PPP2CA: variants seen among roughly 807,000 people sequenced by gnomAD.
PPP2CA encodes the protein serine/threonine-protein phosphatase 2A catalytic subunit alpha isoform.
Under a neutral mutation model 38.8 loss-of-function variants are expected in PPP2CA, and 5 were observed. The observed-to-expected ratio is 0.13, with a 90% confidence interval of 0.07 to 0.27. The LOEUF (loss-of-function observed/expected upper bound fraction) is 0.27. PPP2CA is among the 10% of genes least tolerant of loss of function. The pLI is 1.00. For missense variants in PPP2CA, 88 were observed against 389.7 expected, an observed-to-expected ratio of 0.23 and a Z score of 6.52; for synonymous variants, 152 against 134.0, an observed-to-expected ratio of 1.13 and a Z score of -0.93.
At position 134,197,024 on chromosome 5, in the gene PPP2CA, ATTGAT is replaced by A. The variant is rs1352860230; in HGVS notation, c.*743_*747del. The A allele has an allele frequency of 5.2e-5, 8 of 152,760 alleles. No individual in the cohort carries two copies. The highest frequency in any genetic ancestry group is 1.3e-4 in the Admixed American group (2 of 15,302). 9.5% of individuals were successfully genotyped at this position (152,760 alleles called of 1,614,324 possible). ...GTCTACAAATTCTAAAATTTACTCA[ATTGAT>A]TTAACTTTTTTAATAAACAGCACCA... On this transcript the variant is annotated 3_prime_UTR_variant, in exon 7 of 7. Coordinates refer to ENST00000481195, the MANE Select transcript of PPP2CA (RefSeq NM_002715.4).
chr5:134,221,526 G>A (rs984048084), intron 1 of PPP2CA, among the ~76,000 whole-genome samples: 2 of 152,152 alleles, frequency 1.3e-5, no homozygotes, highest in African/African-American at 2.4e-5. Flanking sequence ...GAATACAAGG[G>A]AAATTATCTA....
At chr5:134,206,326 A>G (rs953930261) in intron 1 of PPP2CA, among the ~76,000 whole-genome samples, 195 bp from the exon 2 acceptor site, 2 of 152,188 alleles carry the variant, frequency 1.3e-5, no homozygotes, top group Non-Finnish European at 2.9e-5. Flanking sequence ...CCTAGGGAAA[A>G]AATATGCATT....
intron 6 of PPP2CA, among the ~76,000 whole-genome samples, chr5:134,198,083 C>CAAACA (rs143894324): frequency 0.015 from 2,304 of 152,180 alleles, 57 homozygotes; most frequent in African/African-American, 0.053. Context: ...ACTGAAATTT[C>CAAACA]AAACAAAACA....
At chr5:134,223,106 A>C (rs1283312721) in intron 1 of PPP2CA, among the ~76,000 whole-genome samples, 3 of 152,238 alleles carry the variant, frequency 2.0e-5, no homozygotes, top group Non-Finnish European at 2.9e-5. Context: ...GGGTAGAAGG[A>C]AGGCTTTTAC....
intron 6 of PPP2CA, among the ~76,000 whole-genome samples, chr5:134,198,848 C>T (rs1368947221): frequency 1.3e-5 from 2 of 152,178 alleles, no homozygotes; most frequent in Admixed American, 1.3e-4. Context: ...AGGCATGAGC[C>T]ACCGCGCCTG....
intron 1 of PPP2CA, among the ~76,000 whole-genome samples, chr5:134,210,620 G>T (rs1561739335): frequency 6.6e-6 from 1 of 152,154 alleles, no homozygotes; most frequent in Admixed American, 6.5e-5. Flanking sequence ...AAGGCAGGTG[G>T]ATCATTTGAG....
chr5:134,206,346 A>T (rs985202445), intron 1 of PPP2CA, among the ~76,000 whole-genome samples: 27 of 152,328 alleles, frequency 1.8e-4, no homozygotes, highest in African/African-American at 6.3e-4. Context: ...TCCTATCATC[A>T]ATACCAGGAG....
At chr5:134,225,538 G>A (rs1486081071) in intron 1 of PPP2CA, 10 of 486,570 alleles carry the variant, frequency 2.1e-5, no homozygotes, top group South Asian at 2.6e-5. Context: ...CAGGAGTCGA[G>A]TGAACGGCGC....
chr5:134,205,601 T>G (rs1762066442), intron 2 of PPP2CA: 3 of 258,074 alleles, frequency 1.2e-5, no homozygotes, highest in African/African-American at 6.7e-5. Context: ...CAGGCTGGTC[T>G]CGAACTCCTG....
At chr5:134,198,752 G>A (rs991056167) in intron 6 of PPP2CA, among the ~76,000 whole-genome samples, 2 of 152,146 alleles carry the variant, frequency 1.3e-5, no homozygotes, top group African/African-American at 4.8e-5. Context: ...TTTTAGTAGA[G>A]AAGGGGTTTC....
rs781010881 is a variant in PPP2CA at position 134,225,749 on chromosome 5, C to T, written c.102+11G>A. 1.9e-6 allele frequency: 3 copies of T among 1,603,142 alleles called. No homozygotes were observed. The African/African-American group carries it at 4.1e-5, about 22-fold the overall frequency. On this transcript the variant is annotated intron_variant, in intron 1 of 6. Coordinates refer to ENST00000481195, the MANE Select transcript of PPP2CA (RefSeq NM_002715.4). ...CCCGCGGCGGCTGTCCGCAGCCGTACTACAGCTCACCTTCTCGCAGAGGCT... is the reference window on the plus strand; with the variant it reads ...CCCGCGGCGGCTGTCCGCAGCCGTATTACAGCTCACCTTCTCGCAGAGGCT...
chr5:134,206,638 G>A (rs376280803), intron 1 of PPP2CA, among the ~76,000 whole-genome samples: 6 of 152,230 alleles, frequency 3.9e-5, no homozygotes, highest in African/African-American at 1.4e-4. Context: ...ACAGGCACAC[G>A]CCACCATGGC....
At chr5:134,224,478 T>C (rs1184835744) in intron 1 of PPP2CA, 1 of 352,216 alleles carries the variant, frequency 2.8e-6, no homozygotes, top group African/African-American at 2.1e-5. Flanking sequence ...ATGAACCTAA[T>C]TTTCACATCA....
intron 2 of PPP2CA, among the ~76,000 whole-genome samples, chr5:134,202,828 G>A (rs774211222): frequency 6.6e-6 from 1 of 152,196 alleles, no homozygotes; most frequent in Non-Finnish European, 1.5e-5. Flanking sequence ...GCTAGACCAT[G>A]TTATATTCCC....
At chr5:134,222,654 T>A (rs1219970797) in intron 1 of PPP2CA, among the ~76,000 whole-genome samples, 2 of 152,218 alleles carry the variant, frequency 1.3e-5, no homozygotes, top group African/African-American at 4.8e-5. Context: ...AAAGATTGTT[T>A]ACTGTAGTCA....
intron 1 of PPP2CA, among the ~76,000 whole-genome samples, chr5:134,207,176 G>A (rs1050999881): frequency 1.3e-5 from 2 of 152,160 alleles, no homozygotes; most frequent in East Asian, 3.9e-4. Flanking sequence ...GGCCAAGGCG[G>A]GCCGATCACT....
intron 2 of PPP2CA, chr5:134,202,402 A>T: frequency 6.4e-6 from 1 of 155,572 alleles, no homozygotes; most frequent in Non-Finnish European, 1.4e-5. Context: ...GTCACTCTCC[A>T]CTCCCACTCC....
Position 134,195,556 on chromosome 5 carries a change from G to C in PPP2CA, c.*2216C>G, listed in dbSNP as rs754590353. ...AGCCACTGTGCCAGGCCTGTTCTTAGGGAAAGCTTTTTAGGTTTATTAATG... is the reference window on the plus strand; with the variant it reads ...AGCCACTGTGCCAGGCCTGTTCTTACGGAAAGCTTTTTAGGTTTATTAATG... On this transcript the variant is annotated 3_prime_UTR_variant, in exon 7 of 7. Transcript: ENST00000481195. 3.9e-5 allele frequency: 6 copies of C among 152,122 alleles called. No individual in the cohort carries two copies. The highest frequency in any genetic ancestry group is 7.2e-5 in the African/African-American group (3 of 41,418). The allele number at this position is 152,122 out of a possible 1,614,324, so 9.4% of individuals were successfully genotyped here. A position where few individuals can be genotyped will look rare whatever the true frequency, so the allele number is the denominator to read the frequency against.
chr5:134,201,385 G>T (rs1329478906), intron 3 of PPP2CA, among the ~76,000 whole-genome samples: 1 of 152,194 alleles, frequency 6.6e-6, no homozygotes, highest in East Asian at 1.9e-4. Flanking sequence ...GTACACTCCT[G>T]TTCTTCCTAA....
Sources: gnomAD v4.1 joint callset for allele counts (sites outside exome capture counted in the v4.1 genomes callset) on GRCh38, gnomAD v4.1.1 for gene constraint, MANE v1.5 for transcripts, NCBI Gene and HGNC (gene_info 2026-07-23, HGNC 2026-07-21) for gene names.